Variants in PLXDC2 observed in about 807,000 individuals in gnomAD.
PLXDC2 encodes plexin domain containing 2.
A neutral mutation model predicts 68.9 loss-of-function variants in PLXDC2; 40 were observed. That is an observed-to-expected ratio of 0.58 (90% CI 0.45 to 0.76). The LOEUF (loss-of-function observed/expected upper bound fraction) is 0.76, where lower values mean the gene tolerates loss of function less well. Ranked by LOEUF, PLXDC2 falls within the 30% of genes least tolerant of loss-of-function variation. The pLI is 0.00. For missense variants in PLXDC2, 644 were observed against 661.9 expected, an observed-to-expected ratio of 0.97 and a Z score of 0.30; for synonymous variants, 243 against 234.2, an observed-to-expected ratio of 1.04 and a Z score of -0.34.
chr10:19,872,191 G>A (rs1005391568), intron 1 of PLXDC2, among the ~76,000 whole-genome samples: 1 of 152,196 alleles, frequency 6.6e-6, no homozygotes, highest in Non-Finnish European at 1.5e-5. Context: ...GGACATGAAC[G>A]AAGACATCTG....
At chr10:20,267,588 C>T (rs889059135) in intron 13 of PLXDC2, among the ~76,000 whole-genome samples, 21 of 152,096 alleles carry the variant, frequency 1.4e-4, no homozygotes, top group Admixed American at 1.3e-3. Context: ...CTATTTTAAA[C>T]ACCAGTCGGT....
At chr10:20,199,075 A>G (rs1834882578) in intron 9 of PLXDC2, among the ~76,000 whole-genome samples, 1 of 152,082 alleles carries the variant, frequency 6.6e-6, no homozygotes, top group African/African-American at 2.4e-5. Flanking sequence ...GTCAATAGTT[A>G]AAATAACTAA....
chr10:20,132,432 C>G (rs1274339095), intron 4 of PLXDC2, among the ~76,000 whole-genome samples: 1 of 152,128 alleles, frequency 6.6e-6, no homozygotes, highest in Admixed American at 6.6e-5. Context: ...CTATCCACTG[C>G]TGAAGGTGGC....
At chr10:20,256,461 G>GTGTGTTTTAACATTAA (rs370079148) in intron 13 of PLXDC2, among the ~76,000 whole-genome samples, 1 of 151,730 alleles carries the variant, frequency 6.6e-6, no homozygotes, top group African/African-American at 2.4e-5. Context: ...CACTGAGACT[G>GTGTGTTTTAACATTAA]CACCAAATGT....
At chr10:19,849,005 T>C (rs1398914758) in intron 1 of PLXDC2, among the ~76,000 whole-genome samples, 1 of 152,194 alleles carries the variant, frequency 6.6e-6, no homozygotes, top group Non-Finnish European at 1.5e-5. Flanking sequence ...ATCCTATTAA[T>C]ATTTTGTGTC....
At chr10:20,187,073 T>C (rs1473215196) in intron 9 of PLXDC2, among the ~76,000 whole-genome samples, 5 of 151,496 alleles carry the variant, frequency 3.3e-5, no homozygotes, top group Non-Finnish European at 7.4e-5. Context: ...ATTCAAAAGA[T>C]TCAAAAAAAA....
chr10:19,906,264 A>G (rs1309967568), intron 1 of PLXDC2, among the ~76,000 whole-genome samples: 1 of 152,146 alleles, frequency 6.6e-6, no homozygotes, highest in Admixed American at 6.6e-5. Flanking sequence ...TTAGGAAACA[A>G]TTGGCACTGA....
chr10:19,874,842 C>T (rs758598480), intron 1 of PLXDC2, among the ~76,000 whole-genome samples: 5 of 152,134 alleles, frequency 3.3e-5, no homozygotes, highest in Non-Finnish European at 5.9e-5. Context: ...ATATCTGGCC[C>T]GACTGTCAGG....
chr10:20,020,178 A>ATTTTTTTTTTTTTT (rs71388889), intron 2 of PLXDC2, among the ~76,000 whole-genome samples: 5 of 107,332 alleles, frequency 4.7e-5, no homozygotes, highest in African/African-American at 2.1e-4. Context: ...CACCCAGCAA[A>ATTTTTTTTTTTTTT]TTTTTTTTTT....
intron 6 of PLXDC2, among the ~76,000 whole-genome samples, chr10:20,157,982 A>T (rs116737033): frequency 1.4e-3 from 208 of 152,282 alleles, no homozygotes; most frequent in African/African-American, 4.9e-3. Context: ...TACAGATCAT[A>T]CAGAGGCCCA....
intron 1 of PLXDC2, among the ~76,000 whole-genome samples, chr10:19,945,997 G>C (rs2131402103): frequency 6.6e-6 from 1 of 152,328 alleles, no homozygotes; most frequent in South Asian, 2.1e-4. Flanking sequence ...TGGACCCAAT[G>C]CTGCATCCTG....
chr10:20,103,947 CA>C (rs1490994401), intron 4 of PLXDC2, among the ~76,000 whole-genome samples: 8 of 152,292 alleles, frequency 5.3e-5, no homozygotes, highest in African/African-American at 1.7e-4. Flanking sequence ...CCGGCTGACA[CA>C]TCTTTTATAA....
intron 1 of PLXDC2, among the ~76,000 whole-genome samples, chr10:19,976,045 G>C (rs1391318773): frequency 6.6e-6 from 1 of 152,082 alleles, no homozygotes; most frequent in African/African-American, 2.4e-5. Context: ...AAGTATCTCA[G>C]CCTTTGCATC....
At chr10:20,143,190 A>G in intron 4 of PLXDC2, 105 bp from the exon 5 acceptor site, 2 of 1,191,396 alleles carry the variant, frequency 1.7e-6, no homozygotes, top group African/African-American at 1.5e-5. Context: ...AGCTACCATG[A>G]CATTTTATTT....
intron 2 of PLXDC2, among the ~76,000 whole-genome samples, chr10:20,034,848 G>A (rs1470945152): frequency 6.6e-6 from 1 of 152,208 alleles, no homozygotes; most frequent in Non-Finnish European, 1.5e-5. Flanking sequence ...CTGTGCAGGT[G>A]TGTAGCCTAG....
At chr10:19,955,824 A>G (rs1457670322) in intron 1 of PLXDC2, among the ~76,000 whole-genome samples, 4 of 152,196 alleles carry the variant, frequency 2.6e-5, no homozygotes, top group Non-Finnish European at 4.4e-5. Flanking sequence ...TCACGCCTGT[A>G]ATTTCAGCAC....
chr10:20,086,205 G>A (rs1222827648), intron 4 of PLXDC2, among the ~76,000 whole-genome samples: 1 of 152,032 alleles, frequency 6.6e-6, no homozygotes, highest in Non-Finnish European at 1.5e-5. Context: ...TGTCTCCGAG[G>A]CTGGAGTGCA....
In PLXDC2 at chr10:20,224,913, C is replaced by A. The variant is rs1349403284; in HGVS notation, c.1312+5811C>A. ...GGTGACAGCATTTTTATCATTTCTT[C>A]TTATTGCTGCGAAGTTTATGAACCT... is the stretch of plus-strand genomic sequence containing the variant. On this transcript the variant is annotated intron_variant, in intron 12 of 13. Transcript: ENST00000377252. 2.0e-5 allele frequency among the ~76,000 whole-genome samples: 3 copies of A among 152,062 alleles called. No individual in the cohort carries two copies. In the East Asian group the frequency reaches 5.8e-4, roughly 29 times the overall value.
chr10:20,152,315 C>A (rs1477210426), intron 6 of PLXDC2, among the ~76,000 whole-genome samples: 1 of 152,090 alleles, frequency 6.6e-6, no homozygotes, highest in Non-Finnish European at 1.5e-5. Context: ...TGTTTCTTCA[C>A]CAATACCCTG....
Sources: allele counts gnomAD v4.1 joint callset (sites outside exome capture counted in the v4.1 genomes callset), GRCh38; gene constraint gnomAD v4.1.1; transcripts MANE v1.5; gene names NCBI Gene and HGNC (gene_info 2026-07-23, HGNC 2026-07-21).